The following EGR2 variants were observed in gnomAD, a reference collection of about 807,000 sequenced individuals.
EGR2 encodes early growth response 2.
In EGR2, 2 loss-of-function variants were observed where a neutral mutation model predicts 21.2. That is an observed-to-expected ratio of 0.09 (90% CI 0.04 to 0.30). The LOEUF (loss-of-function observed/expected upper bound fraction) is 0.30. Ranked by LOEUF, EGR2 falls within the 10% of genes least tolerant of loss-of-function variation. EGR2 has a pLI of 1.00. For missense variants in EGR2, 458 were observed against 630.2 expected (o/e 0.73, Z 2.93); for synonymous variants, 282 against 258.2 (o/e 1.09, Z -0.88).
upstream of EGR2, among the ~76,000 whole-genome samples, chr10:62,818,113 A>G (rs1198561318): frequency 6.6e-6 from 1 of 152,132 alleles, no homozygotes; most frequent in Non-Finnish European, 1.5e-5. Context: ...GGCGGGAGCC[A>G]CGGCGCCACG....
chr10:62,813,731 C>G lies in EGR2; in HGVS notation c.907G>C (p.Ala303Pro), dbSNP rs1456482795. The change falls in exon 2 of 2, where the codon GCA (alanine) becomes CCA (proline). Residue 303 changes from alanine (A) to proline (P), a missense_variant. Physicochemically the swap from Ala to Pro is conservative, Grantham distance 27. This residue lies in a region of EGR2 where 253 missense variants were observed against 315.5 expected (regional missense o/e 0.80). Coordinates refer to ENST00000242480, the MANE Select transcript of EGR2 (RefSeq NM_000399.5). This position sits in a 1 kb window ranked among gnomAD's most constrained non-coding sequence, Gnocchi z 5.7. ...TTATAGGCGGCGGCGGCGGCGGCTG[C>G]TGCTGCTGCTGAGCTGCTACCAGGC... Reference protein sequence around the residue: ...RLPGSSSAAAAAAAAAAYNPH... With the variant: ...RLPGSSSAAAPAAAAAAYNPH... 3.1e-6 allele frequency: 5 copies of G among 1,611,420 alleles called. No individual in the cohort carries two copies. Among genetic ancestry groups the G allele is most frequent in the Non-Finnish European group, 4.2e-6 (5 of 1,179,520 alleles).
upstream of EGR2, among the ~76,000 whole-genome samples, chr10:62,817,380 T>A (rs1838277165): frequency 6.6e-6 from 1 of 152,028 alleles, no homozygotes; most frequent in South Asian, 2.1e-4. This position sits in a 1 kb window ranked among gnomAD's most constrained non-coding sequence, Gnocchi z 4.4. Flanking sequence ...CTCACACACC[T>A]TACACTACAC....
chr10:62,815,079 CA>C (rs1325624400), intron 1 of EGR2, among the ~76,000 whole-genome samples: 1 of 152,276 alleles, frequency 6.6e-6, no homozygotes, highest in East Asian at 1.9e-4. Flanking sequence ...CGTGCCCTCC[CA>C]ATCTTCTCCG....
rs771041628 is a variant in EGR2 at position 62,812,848 on chromosome 10, G to T, written c.*359C>A. On this transcript the variant is annotated 3_prime_UTR_variant, in exon 2 of 2. Coordinates refer to ENST00000242480, the MANE Select transcript of EGR2 (RefSeq NM_000399.5). ...TCTTAGATCAACTCTGACATCCAGG[G>T]TCAAAAACCTGTGATGGGTCAAAAT... 12 of 200,050 alleles carry T rather than the reference G, an allele frequency of 6.0e-5. No homozygotes were observed. The highest frequency in any genetic ancestry group is 2.7e-4 in the Admixed American group (5 of 18,426). The allele number at this position is 200,050 out of a possible 1,614,324, so 12.4% of individuals were successfully genotyped here.
chr10:62,816,313 A>C lies in EGR2; in HGVS notation c.-284T>G. 1 of 1,305,116 alleles carries C rather than the reference A, an allele frequency of 7.7e-7. No homozygotes were observed. 80.8% of individuals were successfully genotyped at this position (1,305,116 alleles called of 1,614,324 possible). The stretch of plus-strand genomic sequence containing the variant: ...GGAGTTGCTGGTGTAGTGTTATTAT[A>C]ACAGTCAGTGAGTCCCCTCGCCGAG... On this transcript the variant is annotated 5_prime_UTR_variant, in exon 1 of 2. Coordinates refer to ENST00000242480, the MANE Select transcript of EGR2 (RefSeq NM_000399.5).
rs1367834689 is a variant in EGR2, at chr10:62,813,547, TGGATTCGGATGTG to T, written c.1078_1090del (p.His360ThrfsTer58). The T allele has an allele frequency of 6.2e-7, 1 of 1,613,394 alleles. No homozygotes were observed. The highest frequency in any genetic ancestry group is 8.5e-7 in the Non-Finnish European group (1 of 1,180,020). ...ACACTGGAAGGGCTTATGCCCAGTG[TGGATTCGGATGTG>T]CCGTGTCAGCTCGTCAGAGCGGGAG... On this transcript the variant is annotated frameshift_variant, in exon 2 of 2. Coordinates refer to ENST00000242480, the MANE Select transcript of EGR2 (RefSeq NM_000399.5). LOFTEE classifies it high-confidence loss of function. The surrounding 1 kb of genome is among the most constrained non-coding windows in gnomAD (Gnocchi z 5.7).
chr10:62,816,757 C>T (rs1395093971), upstream of EGR2, among the ~76,000 whole-genome samples: 1 of 152,180 alleles, frequency 6.6e-6, no homozygotes, highest in East Asian at 1.9e-4. Context: ...GTGCCGGCGG[C>T]TCCGCCTCCC....
chr10:62,817,747 C>T (rs1838286433), upstream of EGR2, among the ~76,000 whole-genome samples: 1 of 152,228 alleles, frequency 6.6e-6, no homozygotes, highest in African/African-American at 2.4e-5. This position sits in a 1 kb window ranked among gnomAD's most constrained non-coding sequence, Gnocchi z 4.4. Context: ...CCGGTAGAAA[C>T]CCTTCTGTTT....
chr10:62,817,932 C>G (rs1235192159), upstream of EGR2, among the ~76,000 whole-genome samples: 1 of 152,244 alleles, frequency 6.6e-6, no homozygotes, highest in Non-Finnish European at 1.5e-5. This position sits in a 1 kb window ranked among gnomAD's most constrained non-coding sequence, Gnocchi z 4.4. Flanking sequence ...GCACCGCCGC[C>G]TGCATGACTC....
intron 1 of EGR2, among the ~76,000 whole-genome samples, chr10:62,815,518 G>A (rs1453987617): frequency 6.6e-6 from 1 of 152,162 alleles, no homozygotes; most frequent in Non-Finnish European, 1.5e-5. Flanking sequence ...CTTTGCCCCT[G>A]CCCCGGGAGA....
In EGR2 at chr10:62,813,306, A is replaced by G. The variant is rs757121895; in HGVS notation, c.1332T>C (p.Ser444=). 1 of 1,577,788 alleles carries G rather than the reference A, an allele frequency of 6.3e-7. No homozygotes were observed. Among genetic ancestry groups the G allele is most frequent in the Admixed American group, 1.7e-5 (1 of 58,096 alleles). Residue 444 remains serine, a synonymous_variant, in exon 2 of 2, where the codon TCT becomes TCC. Transcript: ENST00000242480. This position sits in a 1 kb window ranked among gnomAD's most constrained non-coding sequence, Gnocchi z 5.7. ...SVPAPSTASC[S]GGVQPGGTLC... The stretch of plus-strand genomic sequence containing the variant: ...GGGTACCCCCAGGCTGCACGCCCCC[A>G]GAGCAGGAGGCTGTAGAGGGGGCTG...
At chr10:62,817,595 A>T (rs1172344799), upstream of EGR2, among the ~76,000 whole-genome samples, 1 of 151,982 alleles carries the variant, frequency 6.6e-6, no homozygotes, top group African/African-American at 2.4e-5. The surrounding 1 kb of genome is among the most constrained non-coding windows in gnomAD (Gnocchi z 4.4). Context: ...GAATACACGT[A>T]CTAGAATAAA....
At chr10:62,818,814 G>C (rs562327328), upstream of EGR2, among the ~76,000 whole-genome samples, 13 of 152,272 alleles carry the variant, frequency 8.5e-5, no homozygotes, top group East Asian at 2.5e-3. Context: ...TGGGCGGACC[G>C]GCAGGCGGGC....
In EGR2 at chr10:62,814,166, G is replaced by T. The variant is rs1842201865; in HGVS notation, c.472C>A (p.Gln158Lys). 6.2e-7 allele frequency: 1 copy of T among 1,614,046 alleles called. No homozygotes were observed. Among genetic ancestry groups the T allele is most frequent in the Non-Finnish European group, 8.5e-7 (1 of 1,180,018 alleles). Reference protein sequence around the residue: ...PLGVCTMSQTQPDLDHLYSPP... With the variant: ...PLGVCTMSQTKPDLDHLYSPP... The stretch of plus-strand genomic sequence containing the variant: ...GAGTACAGGTGGTCCAGGTCAGGCT[G>T]GGTCTGGGACATGGTGCACACACCC... The change falls in exon 2 of 2, where the codon CAG becomes AAG. Residue 158 changes from glutamine to lysine, a missense_variant. Physicochemically the swap from Gln to Lys is moderately conservative, Grantham distance 53 (BLOSUM62 1). This residue lies in a region of EGR2 where 253 missense variants were observed against 315.5 expected (regional missense o/e 0.80). Coordinates refer to ENST00000242480, the MANE Select transcript of EGR2 (RefSeq NM_000399.5). This position sits in a 1 kb window ranked among gnomAD's most constrained non-coding sequence, Gnocchi z 4.8.
rs750554857 is a variant in EGR2 at position 62,813,650 on chromosome 10, G to T, written c.988C>A (p.Pro330Thr). 4 of 1,613,300 alleles carry T rather than the reference G, an allele frequency of 2.5e-6. No homozygotes were observed. Among genetic ancestry groups the T allele is most frequent in the Non-Finnish European group, 3.4e-6 (4 of 1,180,036 alleles). Residue 330 changes from proline to threonine, a missense_variant, in exon 2 of 2, where the codon CCC becomes ACC. Transcript: ENST00000242480. The surrounding 1 kb of genome is among the most constrained non-coding windows in gnomAD (Gnocchi z 5.7). ...ILRPRKYPNR[P>T]SKTPVHERPY... The stretch of plus-strand genomic sequence containing the variant: ...CTCTCGTGCACCGGCGTCTTGCTGG[G>T]TCTGTTGGGGTACTTGCGAGGCCTC...
rs1010196662 is a variant in EGR2 at position 62,812,094 on chromosome 10, A to G, written c.*1113T>C. The G allele has an allele frequency of 6.5e-6, 1 of 152,804 alleles. No homozygotes were observed. The highest frequency in any genetic ancestry group is 1.9e-4 in the East Asian group (1 of 5,340). The allele number at this position is 152,804 out of a possible 1,614,324, so 9.5% of individuals were successfully genotyped here. On this transcript the variant is annotated 3_prime_UTR_variant, in exon 2 of 2. Transcript: ENST00000242480. ...GTTAGAATAGATTTATTTTTTCACA[A>G]CTATTAAGAGCTAATGACCAAACAA...
At position 62,814,133 on chromosome 10, in the gene EGR2, G is replaced by A. The variant is rs753161591; in HGVS notation, c.505C>T (p.Pro169Ser). 1.2e-6 allele frequency: 2 copies of A among 1,613,968 alleles called. No homozygotes were observed. Among genetic ancestry groups the A allele is most frequent in the Non-Finnish European group, 1.7e-6 (2 of 1,179,878 alleles). Residue 169 changes from proline to serine, a missense_variant, in exon 2 of 2, where the codon CCG (proline) becomes TCG (serine). Coordinates refer to ENST00000242480, the MANE Select transcript of EGR2 (RefSeq NM_000399.5). This position sits in a 1 kb window ranked among gnomAD's most constrained non-coding sequence, Gnocchi z 4.8. ...PDLDHLYSPPPPPPPYSGCAG... is the reference protein window; with the variant it reads ...PDLDHLYSPPSPPPPYSGCAG... ...CAGCCAGAATAAGGAGGAGGAGGCG[G>A]TGGCGGAGAGTACAGGTGGTCCAGG... is the stretch of plus-strand genomic sequence containing the variant.
At position 62,813,281 on chromosome 10, in the gene EGR2, G is replaced by T; in HGVS notation, c.1357C>A (p.Leu453Met). 6.4e-7 allele frequency: 1 copy of T among 1,572,108 alleles called. No homozygotes were observed. The change falls in exon 2 of 2, where the codon CTG (leucine) becomes ATG (methionine). Residue 453 changes from leucine (L) to methionine (M), a missense_variant. Leu to Met is a conservative substitution (Grantham distance 15, BLOSUM62 2). Transcript: ENST00000242480. The surrounding 1 kb of genome is among the most constrained non-coding windows in gnomAD (Gnocchi z 5.7). ...CSGGVQPGGT[L>M]CSSNSSSLGG... ...AGACTGCTGCTGTTACTGCTGCACA[G>T]GGTACCCCCAGGCTGCACGCCCCCA...
Position 62,813,800 on chromosome 10 carries a change from C to A in EGR2, c.838G>T (p.Val280Leu). 3.1e-6 allele frequency: 5 copies of A among 1,613,728 alleles called. No individual in the cohort carries two copies. The highest frequency in any genetic ancestry group is 1.3e-5 in the African/African-American group (1 of 75,022). ...CCTCCACTGGCCCCTGGTCCGGTCA[C>A]CCCAGCACTGGGGCCCCCCAGGGTA... ...NFTLGGPSAGVTGPGASGGSE... is the reference protein window; with the variant it reads ...NFTLGGPSAGLTGPGASGGSE... The change falls in exon 2 of 2, where the codon GTG becomes TTG. Residue 280 changes from valine (V) to leucine (L), a missense_variant. Coordinates refer to ENST00000242480, the MANE Select transcript of EGR2 (RefSeq NM_000399.5). The surrounding 1 kb of genome is among the most constrained non-coding windows in gnomAD (Gnocchi z 5.7).
Sources: allele counts gnomAD v4.1 joint callset (sites outside exome capture counted in the v4.1 genomes callset), GRCh38; gene constraint gnomAD v4.1.1; regional missense constraint gnomAD v4.1.1; non-coding constraint Gnocchi (gnomAD v3.1); transcripts MANE v1.5; gene names NCBI Gene and HGNC (gene_info 2026-07-23, HGNC 2026-07-21).